MKLN1: variants seen among roughly 807,000 people sequenced by gnomAD.
MKLN1 encodes muskelin 1.
MKLN1 carries 18 observed loss-of-function variants against 99.0 expected under a neutral mutation model. The observed-to-expected ratio is 0.18, with a 90% CI of 0.13 to 0.27. MKLN1 has a LOEUF of 0.27. Among genes scored for constraint, MKLN1 ranks in the 10% least tolerant of loss-of-function variants. The pLI is 1.00. For synonymous variants in MKLN1, 288 were observed against 293.2 expected, an observed-to-expected ratio of 0.98 and a Z score of 0.18; for missense variants, 621 against 875.9, an observed-to-expected ratio of 0.71 and a Z score of 3.67.
At chr7:131,242,565 C>A in intron 3 of MKLN1, 1 of 414,394 alleles carries the variant, frequency 2.4e-6, no homozygotes, top group East Asian at 5.9e-5. Flanking sequence ...TTCCTTTTTG[C>A]TATAGGCCCG....
chr7:131,263,436 G>C (rs930240057), intron 3 of MKLN1, among the ~76,000 whole-genome samples: 1 of 151,594 alleles, frequency 6.6e-6, no homozygotes, highest in Non-Finnish European at 1.5e-5. Flanking sequence ...GAGGTGGGAA[G>C]ACTGCTCGAG....
At chr7:131,219,783 G>A (rs966113620) in intron 3 of MKLN1, among the ~76,000 whole-genome samples, 3 of 152,058 alleles carry the variant, frequency 2.0e-5, no homozygotes, top group African/African-American at 7.2e-5. Context: ...CTAGTCACTG[G>A]GTTTATTCTC....
At chr7:131,315,733 T>C (rs1458372020) in intron 3 of MKLN1, among the ~76,000 whole-genome samples, 1 of 152,200 alleles carries the variant, frequency 6.6e-6, no homozygotes, top group African/African-American at 2.4e-5. Context: ...CTGCCATTAC[T>C]GAGGCTTTAG....
intron 12 of MKLN1, among the ~76,000 whole-genome samples, chr7:131,451,898 T>TTA (rs765497428): frequency 2.0e-5 from 3 of 152,226 alleles, no homozygotes; most frequent in Non-Finnish European, 4.4e-5. Context: ...CTCAGTCTAC[T>TTA]ATAGTAAGAG....
chr7:131,227,947 G>C (rs567954427), intron 3 of MKLN1, among the ~76,000 whole-genome samples: 1 of 152,156 alleles, frequency 6.6e-6, no homozygotes, highest in African/African-American at 2.4e-5. Flanking sequence ...CTTCCAGCGC[G>C]GGATGATTTA....
At chr7:131,224,374 C>T (rs1797107115) in intron 3 of MKLN1, among the ~76,000 whole-genome samples, 1 of 152,016 alleles carries the variant, frequency 6.6e-6, no homozygotes, top group African/African-American at 2.4e-5. Context: ...GGCGAAACCC[C>T]ATCTCTACTA....
intron 2 of MKLN1, among the ~76,000 whole-genome samples, chr7:131,173,974 C>CTTTTTTT (rs1191131472): frequency 1.2e-4 from 16 of 129,674 alleles, no homozygotes; most frequent in Non-Finnish European, 1.9e-4. Context: ...TTTTCTTTTT[C>CTTTTTTT]TTTTTTTTTT....
intron 2 of MKLN1, among the ~76,000 whole-genome samples, chr7:131,171,616 C>T (rs1796217573): frequency 6.6e-6 from 1 of 152,098 alleles, no homozygotes. Context: ...ACCACCATGG[C>T]CAGCTAACTT....
At chr7:131,230,931 G>C (rs1194853866) in intron 3 of MKLN1, among the ~76,000 whole-genome samples, 1 of 151,898 alleles carries the variant, frequency 6.6e-6, no homozygotes, top group Non-Finnish European at 1.5e-5. Context: ...GACCAACCTG[G>C]CCAACATGGT....
At chr7:131,224,812 G>A (rs1024210515) in intron 3 of MKLN1, among the ~76,000 whole-genome samples, 4 of 151,996 alleles carry the variant, frequency 2.6e-5, no homozygotes, top group Non-Finnish European at 5.9e-5. Context: ...AGTGGCTCAT[G>A]CCTGTAATCC....
intron 2 of MKLN1, among the ~76,000 whole-genome samples, chr7:131,183,540 G>A (rs563633790): frequency 6.6e-5 from 10 of 152,016 alleles, no homozygotes; most frequent in Non-Finnish European, 1.5e-4. Context: ...GCAAGTTTTC[G>A]TAATAAAAAC....
intron 3 of MKLN1, among the ~76,000 whole-genome samples, chr7:131,263,346 T>TTAA (rs79364750): frequency 4.3e-4 from 55 of 128,146 alleles, no homozygotes; most frequent in South Asian, 6.4e-4. Context: ...TCTACAATTA[T>TTAA]TAATAATAAT....
chr7:131,210,269 G>A (rs1286726240), intron 3 of MKLN1, among the ~76,000 whole-genome samples: 1 of 152,086 alleles, frequency 6.6e-6, no homozygotes, highest in Non-Finnish European at 1.5e-5. Flanking sequence ...GGTGGCTCAT[G>A]CCTATAATCC....
At chr7:131,240,113 C>T (rs1472637746) in intron 3 of MKLN1, among the ~76,000 whole-genome samples, 4 of 152,024 alleles carry the variant, frequency 2.6e-5, no homozygotes, top group South Asian at 2.1e-4. Context: ...CCCAGGAAGT[C>T]GAGACTGCAG....
chr7:131,487,516 C>T lies in MKLN1; in HGVS notation c.2087-91C>T. On this transcript the variant is annotated intron_variant, in intron 17 of 17. Coordinates refer to ENST00000352689, the MANE Select transcript of MKLN1 (RefSeq NM_013255.5). This position sits in a 1 kb window ranked among gnomAD's most constrained non-coding sequence, Gnocchi z 4.7. ...GGTTTTGAAGCCTGATTTGATTTCTCCATTATAAAATACATTGCTGCTGGT... is the reference window on the plus strand; with the variant it reads ...GGTTTTGAAGCCTGATTTGATTTCTTCATTATAAAATACATTGCTGCTGGT... 7.1e-7 allele frequency: 1 copy of T among 1,407,968 alleles called. No individual in the cohort carries two copies. The highest frequency in any genetic ancestry group is 2.0e-5 in the Admixed American group (1 of 49,572). The allele number at this position is 1,407,968 out of a possible 1,614,324, so 87.2% of individuals were successfully genotyped here.
At chr7:131,269,458 G>A (rs1346967976) in intron 3 of MKLN1, among the ~76,000 whole-genome samples, 3 of 152,248 alleles carry the variant, frequency 2.0e-5, no homozygotes, top group South Asian at 4.1e-4. Context: ...CATTCCTGGG[G>A]GTTCTGCCCT....
At chr7:131,479,871 TAAA>T (rs1797070726) in intron 17 of MKLN1, among the ~76,000 whole-genome samples, 1 of 137,212 alleles carries the variant, frequency 7.3e-6, no homozygotes, top group African/African-American at 2.8e-5. Flanking sequence ...AATAAATAAA[TAAA>T]TCAGCCGGGC....
rs574575573 is a variant in MKLN1 at position 131,298,159 on chromosome 7, T to C, written c.-178-77265T>C. ...GGTGGCAGGCGCCTGTAGTCCCAGA[T>C]ACTCGGGAGGCTGAGGCAGAAGAAT... is the stretch of plus-strand genomic sequence containing the variant. On this transcript the variant is annotated intron_variant, in intron 3 of 7. Coordinates refer to the MKLN1 transcript ENST00000416992. Among the ~76,000 whole-genome samples the C allele has an allele frequency of 1.6e-3, 238 of 151,940 alleles. 2 individuals carry two copies. The highest frequency in any genetic ancestry group is 5.2e-3 in the African/African-American group (215 of 41,456).
At chr7:131,411,899 T>G (rs1200138141) in intron 7 of MKLN1, among the ~76,000 whole-genome samples, 3 of 65,202 alleles carry the variant, frequency 4.6e-5, no homozygotes, top group Non-Finnish European at 8.6e-5. Context: ...AGATGGAGAT[T>G]CCATCTCAAA....
Sources: allele counts gnomAD v4.1 joint callset (sites outside exome capture counted in the v4.1 genomes callset), GRCh38; gene constraint gnomAD v4.1.1; non-coding constraint Gnocchi (gnomAD v3.1); transcripts MANE v1.5; gene names NCBI Gene and HGNC (gene_info 2026-07-23, HGNC 2026-07-21).